The following DYNLT5 variants were observed in gnomAD, a reference collection of about 807,000 sequenced individuals.
DYNLT5 encodes dynein light chain Tctex-type family member 5.
A neutral mutation model predicts 19.3 loss-of-function variants in DYNLT5; 25 were observed. The observed-to-expected ratio is 1.30, with a 90% CI of 0.95 to 1.81. The LOEUF is 1.81. Among genes scored for constraint, DYNLT5 ranks in the 40% most tolerant of loss-of-function variants. DYNLT5 has a pLI of 0.00. For synonymous variants in DYNLT5, 82 were observed against 68.9 expected (o/e 1.19, Z -0.94); for missense variants, 232 against 217.9 (o/e 1.06, Z -0.41).
chr1:66,752,613 T>C, intron 1 of DYNLT5, 29 bp downstream of exon 1: 1 of 984,768 alleles, frequency 1.0e-6, no homozygotes, highest in Non-Finnish European at 1.2e-6. Flanking sequence ...GCAGCGCGTC[T>C]GGACCCCAAA....
chr1:66,753,386 G>A (rs1351489649), intron 1 of DYNLT5, among the ~76,000 whole-genome samples: 1 of 152,154 alleles, frequency 6.6e-6, no homozygotes, highest in Admixed American at 6.5e-5. Context: ...AAATTTGTAG[G>A]TAGACAATGA....
rs77409916 is a variant in DYNLT5, at chr1:66,752,847, C to T, written c.-4+263C>T. 8.5e-3 allele frequency among the ~76,000 whole-genome samples: 1,296 copies of T among 152,308 alleles called. 20 individuals carry two copies. Among genetic ancestry groups the T allele is most frequent in the African/African-American group, 0.03 (1,233 of 41,566 alleles). On this transcript the variant is annotated intron_variant, in intron 1 of 4. Transcript: ENST00000282670. ...CGCAGAGCCGGCCAGCAAGGTCATC[C>T]CCTGACCCGGGGCGGTCTTCCTGTG... is the stretch of plus-strand genomic sequence containing the variant.
chr1:66,765,839 T>C (rs2094654037), intron 2 of DYNLT5, among the ~76,000 whole-genome samples: 1 of 152,162 alleles, frequency 6.6e-6, no homozygotes, highest in African/African-American at 2.4e-5. Context: ...ATGCATACTA[T>C]TGGATTAGCA....
chr1:66,777,419 G>C lies in DYNLT5; in HGVS notation c.505G>C (p.Ala169Pro). The change falls in exon 5 of 5, where the codon GCT becomes CCT. Residue 169 changes from alanine (A) to proline (P), a missense_variant. By Grantham distance (27) the Ala-to-Pro change is conservative. Transcript: ENST00000282670. ...TGTTTTCAGAAATTCTTCTCTCTTCGCTCTTGCAAATGTCTATGCAGTTTA... is the reference window on the plus strand; with the variant it reads ...TGTTTTCAGAAATTCTTCTCTCTTCCCTCTTGCAAATGTCTATGCAGTTTA... ...SYVFRNSSLF[A>P]LANVYAVYLE is the part of the protein sequence containing the mutation. 6.2e-7 allele frequency: 1 copy of C among 1,613,640 alleles called. No individual in the cohort carries two copies. Among genetic ancestry groups the C allele is most frequent in the Admixed American group, 1.7e-5 (1 of 59,978 alleles).
chr1:66,752,832 G>A lies in DYNLT5; in HGVS notation c.-4+248G>A, dbSNP rs370317402. Among the ~76,000 whole-genome samples the A allele has an allele frequency of 7.2e-5, 11 of 152,314 alleles. No homozygotes were observed. The East Asian group carries it at 1.2e-3, about 16-fold the overall frequency. On this transcript the variant is annotated intron_variant, in intron 1 of 4. Transcript: ENST00000282670. The stretch of plus-strand genomic sequence containing the variant: ...AAGAGTGATGGCCAACGCAGAGCCG[G>A]CCAGCAAGGTCATCCCCTGACCCGG...
chr1:66,774,329 G>A (rs1324524597), intron 3 of DYNLT5, among the ~76,000 whole-genome samples: 1 of 152,128 alleles, frequency 6.6e-6, no homozygotes, highest in South Asian at 2.1e-4. Flanking sequence ...CTGGCCTAGA[G>A]CATTGTCACC....
intron 3 of DYNLT5, among the ~76,000 whole-genome samples, chr1:66,775,786 G>C (rs963659814): frequency 1.3e-5 from 2 of 152,184 alleles, no homozygotes; most frequent in African/African-American, 2.4e-5. Context: ...GCAAGAGTAA[G>C]GACACAGGAG....
At chr1:66,772,451 T>C (rs1160501880) in intron 3 of DYNLT5, among the ~76,000 whole-genome samples, 1 of 152,208 alleles carries the variant, frequency 6.6e-6, no homozygotes, top group African/African-American at 2.4e-5. Context: ...GGGATCCACC[T>C]TCCTGGCCCC....
At chr1:66,757,253 C>T (rs937128222) in intron 2 of DYNLT5, among the ~76,000 whole-genome samples, 4 of 152,154 alleles carry the variant, frequency 2.6e-5, no homozygotes, top group Non-Finnish European at 5.9e-5. Flanking sequence ...GTCTTGGTTT[C>T]CATGTCTACA....
At chr1:66,775,254 C>T (rs1645227706) in intron 3 of DYNLT5, 1 of 152,196 alleles carries the variant, frequency 6.6e-6, no homozygotes, top group East Asian at 1.9e-4. Flanking sequence ...GCAGGTTACT[C>T]AATGTATATA....
intron 2 of DYNLT5, among the ~76,000 whole-genome samples, chr1:66,766,306 A>G (rs2094655138): frequency 6.6e-6 from 1 of 152,222 alleles, no homozygotes; most frequent in African/African-American, 2.4e-5. Context: ...GTCTGATGAC[A>G]GACAACTGAA....
Position 66,752,459 on chromosome 1 carries a change from A to G in DYNLT5, c.-129A>G. On this transcript the variant is annotated 5_prime_UTR_variant, in exon 1 of 5. Coordinates refer to ENST00000282670, the MANE Select transcript of DYNLT5 (RefSeq NM_152665.3). ...TGAGGTCACCCTGGAGACCGGCCTC[A>G]GAGTCCAGGGAGAGTGCGCGGGCGG... The G allele has an allele frequency of 1.0e-6, 1 of 984,964 alleles. No individual in the cohort carries two copies. The highest frequency in any genetic ancestry group is 1.2e-6 in the Non-Finnish European group (1 of 829,474). 61.0% of individuals were successfully genotyped at this position (984,964 alleles called of 1,614,324 possible). A position where few individuals can be genotyped will look rare whatever the true frequency, so the allele number is the denominator to read the frequency against.
chr1:66,773,770 T>G (rs1181082536), intron 3 of DYNLT5, among the ~76,000 whole-genome samples: 1 of 152,146 alleles, frequency 6.6e-6, no homozygotes, highest in Non-Finnish European at 1.5e-5. Flanking sequence ...TTTTAAAATT[T>G]TTTTTGTCTT....
At chr1:66,767,183 G>T (rs1374748855) in intron 2 of DYNLT5, among the ~76,000 whole-genome samples, 1 of 151,734 alleles carries the variant, frequency 6.6e-6, no homozygotes, top group Non-Finnish European at 1.5e-5. Context: ...GCAAAATATA[G>T]AAAATTTACT....
Position 66,754,888 on chromosome 1 carries a change from A to G in DYNLT5, c.119+111A>G, listed in dbSNP as rs560716892. ...GACATAAAAAGAGATAAAATGGGCA[A>G]GTACAAGGTGCAGGTCATCTTTAGG... On this transcript the variant is annotated intron_variant, in intron 2 of 4. Transcript: ENST00000282670. The G allele has an allele frequency of 1.1e-4, 132 of 1,183,814 alleles. 2 individuals are homozygous for G. In the South Asian group the frequency reaches 2.2e-3, roughly 20 times the overall value. 73.3% of individuals were successfully genotyped at this position (1,183,814 alleles called of 1,614,324 possible). A position where few individuals can be genotyped will look rare whatever the true frequency, so the allele number is the denominator to read the frequency against.
At chr1:66,757,963 C>A (rs1322409967) in intron 2 of DYNLT5, among the ~76,000 whole-genome samples, 2 of 152,178 alleles carry the variant, frequency 1.3e-5, no homozygotes, top group Admixed American at 1.3e-4. Context: ...GTAGGGCCTG[C>A]AAATCCAAAA....
chr1:66,758,431 T>C (rs939817853), intron 2 of DYNLT5, among the ~76,000 whole-genome samples: 1 of 152,164 alleles, frequency 6.6e-6, no homozygotes, highest in Non-Finnish European at 1.5e-5. Flanking sequence ...GGAGTTCCAC[T>C]AGTAGATTAG....
rs1272114014 is a variant in DYNLT5, at chr1:66,777,888, T to C, written c.*434T>C. 6 of 154,684 alleles carry C rather than the reference T, an allele frequency of 3.9e-5. No individual in the cohort carries two copies. The highest frequency in any genetic ancestry group is 9.6e-5 in the African/African-American group (4 of 41,492). 9.6% of individuals were successfully genotyped at this position (154,684 alleles called of 1,614,324 possible). On this transcript the variant is annotated 3_prime_UTR_variant, in exon 5 of 5. Transcript: ENST00000282670. ...ACAAATGATAAATAATGTGCCTCAGTGCTGCATATAAAAGAATACTGGTTT... is the reference window on the plus strand; with the variant it reads ...ACAAATGATAAATAATGTGCCTCAGCGCTGCATATAAAAGAATACTGGTTT...
chr1:66,773,120 G>GTAAC (rs1553202357), intron 3 of DYNLT5, among the ~76,000 whole-genome samples: 1 of 152,138 alleles, frequency 6.6e-6, no homozygotes, highest in Admixed American at 6.6e-5. Flanking sequence ...GATATTCATT[G>GTAAC]TAACTTCATA....
Sources: gnomAD v4.1 joint callset for allele counts (sites outside exome capture counted in the v4.1 genomes callset) on GRCh38, gnomAD v4.1.1 for gene constraint, MANE v1.5 for transcripts, NCBI Gene and HGNC (gene_info 2026-07-23, HGNC 2026-07-21) for gene names.